MCPH1: variants seen among roughly 807,000 people sequenced by gnomAD.
MCPH1 encodes microcephalin 1, also known as microcephalin.
A neutral mutation model predicts 84.5 loss-of-function variants in MCPH1; 104 were observed. The ratio of observed to expected loss-of-function variants is 1.23; its 90% CI spans 1.05 to 1.45. The LOEUF (loss-of-function observed/expected upper bound fraction) is 1.45. MCPH1 is among the 40% of genes most tolerant of loss of function. The pLI is 0.00. For missense variants in MCPH1, 1,498 were observed against 1,005.7 expected (o/e 1.49, Z -6.62); for synonymous variants, 514 against 366.8 (o/e 1.40, Z -4.58).
intron 12 of MCPH1, among the ~76,000 whole-genome samples, chr8:6,611,812 G>A (rs764894534): frequency 4.9e-4 from 74 of 152,192 alleles, no homozygotes; most frequent in Non-Finnish European, 4.4e-4. Flanking sequence ...CGGAGACGGG[G>A]TTTCACCGTG....
intron 12 of MCPH1, among the ~76,000 whole-genome samples, chr8:6,505,309 A>G (rs562686461): frequency 0.029 from 1,527 of 53,560 alleles, 115 homozygotes; most frequent in Non-Finnish European, 0.036. Context: ...ATATGTATAT[A>G]ACATATATAT....
chr8:6,474,192 C>T (rs1329221617), intron 9 of MCPH1: 1 of 713,830 alleles, frequency 1.4e-6, no homozygotes, highest in Non-Finnish European at 2.6e-6. Context: ...CTGTCTTCAT[C>T]TAAAATGGGA....
intron 12 of MCPH1, among the ~76,000 whole-genome samples, chr8:6,520,206 T>G (rs1395209197): frequency 2.0e-5 from 3 of 152,240 alleles, no homozygotes; most frequent in African/African-American, 7.2e-5. Flanking sequence ...GGTCATTAAT[T>G]CCATGTAATT....
chr8:6,519,725 A>G, intron 12 of MCPH1: 1 of 1,027,692 alleles, frequency 9.7e-7, no homozygotes, highest in Non-Finnish European at 1.4e-6. Flanking sequence ...TAGGCGAGGT[A>G]GCTGCCCAGT....
intron 12 of MCPH1, among the ~76,000 whole-genome samples, chr8:6,542,759 C>T (rs1030841878): frequency 6.6e-6 from 1 of 152,078 alleles, no homozygotes; most frequent in African/African-American, 2.4e-5. Context: ...GGGTGGAGCT[C>T]TGTGGAGGAG....
intron 12 of MCPH1, among the ~76,000 whole-genome samples, chr8:6,586,394 C>G (rs1436861113): frequency 6.6e-6 from 1 of 152,212 alleles, no homozygotes; most frequent in East Asian, 1.9e-4. Flanking sequence ...TAAGGCTGGT[C>G]CCCAGGGTCC....
At chr8:6,516,736 G>A (rs896363694) in intron 12 of MCPH1, among the ~76,000 whole-genome samples, 1 of 152,170 alleles carries the variant, frequency 6.6e-6, no homozygotes, top group East Asian at 1.9e-4. Context: ...AAGCATTGAC[G>A]TGGCTCTTGG....
chr8:6,501,780 C>T (rs1812244909), intron 12 of MCPH1: 1 of 152,098 alleles, frequency 6.6e-6, no homozygotes, highest in Admixed American at 6.6e-5. Flanking sequence ...TGGTCTTGAA[C>T]TCCTGACCTC....
intron 12 of MCPH1, among the ~76,000 whole-genome samples, chr8:6,510,651 C>G (rs1313088929): frequency 6.6e-6 from 1 of 152,168 alleles, no homozygotes; most frequent in Admixed American, 6.5e-5. Context: ...AGGTCAGACT[C>G]TTAAGTCATG....
intron 12 of MCPH1, among the ~76,000 whole-genome samples, chr8:6,612,663 C>G (rs550318987): frequency 6.6e-6 from 1 of 152,360 alleles, no homozygotes; most frequent in Admixed American, 6.5e-5. Context: ...GTTCCGACCT[C>G]CCCTGCCTGG....
intron 9 of MCPH1, among the ~76,000 whole-genome samples, chr8:6,476,221 G>A (rs962004723): frequency 6.6e-6 from 1 of 152,062 alleles, no homozygotes; most frequent in African/African-American, 2.4e-5. Context: ...CTGAGGTCAG[G>A]AGTTGGAGAC....
At position 6,621,592 on chromosome 8, in the gene MCPH1, C is replaced by T. The variant is rs759811955; in HGVS notation, c.2353C>T (p.Arg785Trp). Residue 785 changes from arginine to tryptophan, a missense_variant, in exon 13 of 14, where the codon CGG (arginine) becomes TGG (tryptophan). Arg to Trp is a moderately radical substitution (Grantham distance 101). Transcript: ENST00000344683. The stretch of plus-strand genomic sequence containing the variant: ...TGAACTAGTCCACCTGTGCGGAGGC[C>T]GGGTCAGCCAAGTCCCCCGCCAGGC... ...LCELVHLCGG[R>W]VSQVPRQASI... 1.7e-4 allele frequency: 281 copies of T among 1,614,060 alleles called. 1 individual carries two copies. Among genetic ancestry groups the T allele is most frequent in the Non-Finnish European group, 2.1e-4 (250 of 1,180,044 alleles).
chr8:6,514,524 G>T (rs1815850576), intron 12 of MCPH1, among the ~76,000 whole-genome samples: 1 of 152,096 alleles, frequency 6.6e-6, no homozygotes, highest in South Asian at 2.1e-4. Flanking sequence ...CCTTATATTG[G>T]CCATTCTTTA....
chr8:6,461,409 T>G (rs1332562005), intron 9 of MCPH1, among the ~76,000 whole-genome samples: 1 of 139,444 alleles, frequency 7.2e-6, no homozygotes, highest in Non-Finnish European at 1.5e-5. Context: ...CACTGCAACC[T>G]CCACCCCACC....
At chr8:6,600,893 C>T (rs1049814501) in intron 12 of MCPH1, among the ~76,000 whole-genome samples, 1 of 152,188 alleles carries the variant, frequency 6.6e-6, no homozygotes. Context: ...AGACATCTCA[C>T]CCAGGAGACG....
intron 13 of MCPH1, chr8:6,626,478 T>G (rs1832091278): frequency 3.2e-6 from 3 of 925,958 alleles, no homozygotes; most frequent in Non-Finnish European, 3.8e-6. Context: ...TGTTTTGTTT[T>G]TTTTTTTTTT....
chr8:6,415,960 C>A (rs1351089048), intron 3 of MCPH1, among the ~76,000 whole-genome samples: 2 of 152,136 alleles, frequency 1.3e-5, no homozygotes, highest in Non-Finnish European at 2.9e-5. Flanking sequence ...TTTTTCAGGT[C>A]TCAAATTTCC....
intron 12 of MCPH1, among the ~76,000 whole-genome samples, chr8:6,588,736 A>G (rs1052796085): frequency 3.3e-5 from 5 of 152,256 alleles, no homozygotes; most frequent in African/African-American, 7.2e-5. Flanking sequence ...TAGCCTCTCC[A>G]TAGTTCTTCC....
In MCPH1 at chr8:6,436,198, G is replaced by C. The variant is rs776606558; in HGVS notation, c.436+36G>C. Reference sequence around the variant, plus strand: ...AAATATAATACAGTTCTTTGCATTTGTGTCCATACACCTTGTTTAATTTGC... The same window carrying C: ...AAATATAATACAGTTCTTTGCATTTCTGTCCATACACCTTGTTTAATTTGC... On this transcript the variant is annotated intron_variant, in intron 5 of 13. Coordinates refer to ENST00000344683, the MANE Select transcript of MCPH1 (RefSeq NM_024596.5). 2.5e-6 allele frequency: 4 copies of C among 1,603,194 alleles called. No homozygotes were observed. The African/African-American group carries it at 4.0e-5, about 16-fold the overall frequency.
Sources: allele counts gnomAD v4.1 joint callset (sites outside exome capture counted in the v4.1 genomes callset), GRCh38; gene constraint gnomAD v4.1.1; transcripts MANE v1.5; gene names NCBI Gene and HGNC (gene_info 2026-07-23, HGNC 2026-07-21).